Variants in KIF1B observed in about 807,000 individuals in gnomAD.
KIF1B encodes the protein kinesin-like protein KIF1B.
A neutral mutation model predicts 241.9 loss-of-function variants in KIF1B; 76 were observed. That is an observed-to-expected ratio of 0.31 (90% CI 0.26 to 0.38). The LOEUF is 0.38. Ranked by LOEUF, KIF1B falls within the 10% of genes least tolerant of loss-of-function variation. The probability of loss-of-function intolerance (pLI) is 1.00; values close to 1 mark genes in which losing one functional copy is unlikely to be tolerated. For missense variants in KIF1B, 1,622 were observed against 2,271.4 expected, an observed-to-expected ratio of 0.71 and a Z score of 5.81; for synonymous variants, 750 against 796.7, an observed-to-expected ratio of 0.94 and a Z score of 0.99.
intron 2 of KIF1B, among the ~76,000 whole-genome samples, chr1:10,239,145 A>G (rs570370385): frequency 6.6e-6 from 1 of 152,006 alleles, no homozygotes; most frequent in Non-Finnish European, 1.5e-5. Context: ...GAGAGTTTCT[A>G]CAAAAAACCA....
chr1:10,289,616 G>A (rs1279516525), intron 15 of KIF1B, among the ~76,000 whole-genome samples: 1 of 152,172 alleles, frequency 6.6e-6, no homozygotes, highest in African/African-American at 2.4e-5. Context: ...GGGCACGGTG[G>A]CTCACACCTG....
At chr1:10,244,978 G>T (rs1400353428) in intron 2 of KIF1B, among the ~76,000 whole-genome samples, 1 of 152,086 alleles carries the variant, frequency 6.6e-6, no homozygotes. Context: ...GATGTCACTG[G>T]GATTTTTAAC....
rs770231437 is a variant in KIF1B at position 10,267,652 on chromosome 1, G to C, written c.608+94G>C. ...GGTTTGAGGCCACATTTATAGCTAT[G>C]AAAGTTGCTTTAATTGTGGAGTCCT... On this transcript the variant is annotated intron_variant, in intron 6 of 48. Coordinates refer to ENST00000676179, the MANE Select transcript of KIF1B (RefSeq NM_001365951.3). The C allele has an allele frequency of 7.0e-5, 85 of 1,221,356 alleles. 1 individual carries two copies. Among genetic ancestry groups the C allele is most frequent in the Non-Finnish European group, 9.8e-5 (82 of 832,626 alleles). The allele number at this position is 1,221,356 out of a possible 1,614,324, so 75.7% of individuals were successfully genotyped here.
At chr1:10,356,065 A>T (rs1469120058) in intron 38 of KIF1B, among the ~76,000 whole-genome samples, 2 of 143,372 alleles carry the variant, frequency 1.4e-5, no homozygotes, top group Admixed American at 6.8e-5. Context: ...CTAAAATGTT[A>T]AAAAAAATAC....
chr1:10,377,101 T>C lies in KIF1B; in HGVS notation c.*514T>C, dbSNP rs1638911507. On this transcript the variant is annotated 3_prime_UTR_variant, in exon 49 of 49. Coordinates refer to ENST00000676179, the MANE Select transcript of KIF1B (RefSeq NM_001365951.3). Reference sequence around the variant, plus strand: ...GGCTTAGAGACTAAGGGAGGAGACATCTGGCCTTTTTAGAACCTGAGAGGA... The same window carrying C: ...GGCTTAGAGACTAAGGGAGGAGACACCTGGCCTTTTTAGAACCTGAGAGGA... The C allele has an allele frequency of 4.1e-6, 1 of 244,598 alleles. No homozygotes were observed. The highest frequency in any genetic ancestry group is 5.0e-5 in the Admixed American group (1 of 20,104). The allele number at this position is 244,598 out of a possible 1,614,324, so 15.2% of individuals were successfully genotyped here.
intron 15 of KIF1B, among the ~76,000 whole-genome samples, chr1:10,289,983 C>T (rs1418070015): frequency 3.3e-5 from 5 of 152,126 alleles, no homozygotes; most frequent in African/African-American, 1.2e-4. Context: ...TGTTCTCTGA[C>T]ATATCCATAG....
intron 2 of KIF1B, among the ~76,000 whole-genome samples, chr1:10,236,197 T>G (rs1255877660): frequency 2.6e-5 from 4 of 151,344 alleles, no homozygotes; most frequent in Non-Finnish European, 4.4e-5. Context: ...GCTTAAACCC[T>G]GGAAGCGGAG....
In KIF1B at chr1:10,324,837, A is replaced by G. The variant is rs1486201239; in HGVS notation, c.2617A>G (p.Thr873Ala). The part of the protein sequence containing the change: ...ASSAQDESET[T>A]VTGSDPFYDR... Reference sequence around the variant, plus strand: ...CAGTGCCCAAGACGAAAGCGAAACCACTGTGACTGGCAGCGATCCCTTCTA... The same window carrying G: ...CAGTGCCCAAGACGAAAGCGAAACCGCTGTGACTGGCAGCGATCCCTTCTA... The change falls in exon 26 of 49, where the codon ACT (threonine) becomes GCT (alanine). Residue 873 changes from threonine (T) to alanine (A), a missense_variant. Transcript: ENST00000676179. The G allele has an allele frequency of 6.2e-7, 1 of 1,614,134 alleles. No homozygotes were observed. Among genetic ancestry groups the G allele is most frequent in the Non-Finnish European group, 8.5e-7 (1 of 1,180,016 alleles).
chr1:10,239,631 G>A (rs1247772545), intron 2 of KIF1B, among the ~76,000 whole-genome samples: 6 of 151,398 alleles, frequency 4.0e-5, no homozygotes, highest in East Asian at 1.9e-4. Context: ...TTTTTGAGAC[G>A]GAGTCTTGCT....
chr1:10,230,101 G>A (rs1176111562), intron 1 of KIF1B, among the ~76,000 whole-genome samples: 1 of 152,090 alleles, frequency 6.6e-6, no homozygotes, highest in African/African-American at 2.4e-5. Flanking sequence ...CTTGAGCCCA[G>A]GAGTTCAAGG....
Position 10,295,165 on chromosome 1 carries a change from G to A in KIF1B, c.1670G>A (p.Arg557Lys). 1 of 1,565,634 alleles carries A rather than the reference G, an allele frequency of 6.4e-7. No individual in the cohort carries two copies. The highest frequency in any genetic ancestry group is 8.8e-7 in the Non-Finnish European group (1 of 1,135,752). Residue 557 changes from arginine to lysine, a missense_variant and splice_region_variant, in exon 18 of 49, where the codon AGG (arginine) becomes AAG (lysine). Arg to Lys is a conservative substitution (Grantham distance 26). Coordinates refer to ENST00000676179, the MANE Select transcript of KIF1B (RefSeq NM_001365951.3). ...LLYYIKDGIT[R>K]VGQADAERRQ... ...TATTACATCAAAGATGGAATTACAA[G>A]GTATATTTATTTCCTGTTTTGGTCA...
chr1:10,365,083 G>A lies in KIF1B; in HGVS notation c.4367-17G>A. ...AATTTTTTTTCTGAAACAAAAACTT[G>A]TTTCCTCTTGTCTTAGGTATGCAGA... On this transcript the variant is annotated splice_polypyrimidine_tract_variant and intron_variant, in intron 41 of 48. Coordinates refer to ENST00000676179, the MANE Select transcript of KIF1B (RefSeq NM_001365951.3). This position sits in a 1 kb window ranked among gnomAD's most constrained non-coding sequence, Gnocchi z 4.0. 6.2e-7 allele frequency: 1 copy of A among 1,607,218 alleles called. No individual in the cohort carries two copies. Among genetic ancestry groups the A allele is most frequent in the Non-Finnish European group, 8.5e-7 (1 of 1,176,096 alleles).
At chr1:10,306,143 C>T in intron 22 of KIF1B, 1 of 1,039,860 alleles carries the variant, frequency 9.6e-7, no homozygotes, top group Non-Finnish European at 1.2e-6. Context: ...CAGAAAGTTG[C>T]TTCCAATTAA....
intron 2 of KIF1B, among the ~76,000 whole-genome samples, chr1:10,249,300 T>C (rs941854018): frequency 1.3e-5 from 2 of 152,242 alleles, no homozygotes; most frequent in African/African-American, 4.8e-5. Flanking sequence ...GTGTTAATTA[T>C]GCCCAGTCTT....
chr1:10,328,112 C>T (rs1178081461), intron 27 of KIF1B, among the ~76,000 whole-genome samples: 1 of 152,190 alleles, frequency 6.6e-6, no homozygotes, highest in Non-Finnish European at 1.5e-5. Flanking sequence ...ATAATTTGAG[C>T]CCAAGAGTTT....
At position 10,278,093 on chromosome 1, in the gene KIF1B, T is replaced by G. The variant is rs1327754308; in HGVS notation, c.1145T>G (p.Leu382Arg). 3 of 1,613,964 alleles carry G rather than the reference T, an allele frequency of 1.9e-6. No individual in the cohort carries two copies. Among genetic ancestry groups the G allele is most frequent in the Non-Finnish European group, 2.5e-6 (3 of 1,179,960 alleles). ...GAGGAGGTGACACGGCTGAAGGACC[T>G]TCTTCGTGCTCAGGGCCTGGGAGAT... ...LKEEVTRLKD[L>R]LRAQGLGDII... The change falls in exon 13 of 49, where the codon CTT (leucine) becomes CGT (arginine). Residue 382 changes from leucine (L) to arginine (R), a missense_variant. Physicochemically the swap from Leu to Arg is moderately radical, Grantham distance 102 (BLOSUM62 -2). Coordinates refer to ENST00000676179, the MANE Select transcript of KIF1B (RefSeq NM_001365951.3).
At chr1:10,301,339 T>A (rs1650531732) in intron 22 of KIF1B, among the ~76,000 whole-genome samples, 1 of 150,418 alleles carries the variant, frequency 6.6e-6, no homozygotes, top group Non-Finnish European at 1.5e-5. Flanking sequence ...AGTTGAGTAT[T>A]TTTTTTTTAA....
At chr1:10,316,717 G>C (rs1651320565) in intron 22 of KIF1B, among the ~76,000 whole-genome samples, 1 of 151,546 alleles carries the variant, frequency 6.6e-6, no homozygotes, top group Non-Finnish European at 1.5e-5. Context: ...GCCCAGGCCA[G>C]TCTGGAATTC....
In KIF1B at chr1:10,347,746, G is replaced by A. The variant is rs766283700; in HGVS notation, c.3798-15G>A. 46 of 1,610,950 alleles carry A rather than the reference G, an allele frequency of 2.9e-5. 1 individual carries two copies. The highest frequency in any genetic ancestry group is 2.4e-4 in the South Asian group (22 of 90,956). On this transcript the variant is annotated splice_polypyrimidine_tract_variant and intron_variant, in intron 35 of 48. Transcript: ENST00000676179. ...AGTAGCACTTAGTTTTTTCTTTTGC[G>A]TTTCTATTTTTTAGGTATATCCCAG...
Sources: gnomAD v4.1 joint callset for allele counts (sites outside exome capture counted in the v4.1 genomes callset) on GRCh38, gnomAD v4.1.1 for gene constraint, Gnocchi (gnomAD v3.1) non-coding constraint, MANE v1.5 for transcripts, NCBI Gene and HGNC (gene_info 2026-07-23, HGNC 2026-07-21) for gene names.